Variants in HCFC1 observed in about 807,000 individuals in gnomAD.
HCFC1 encodes the protein host cell factor C1, also known as host cell factor 1.
Under a neutral mutation model 105.5 loss-of-function variants are expected in HCFC1, and 7 were observed. The ratio of observed to expected loss-of-function variants is 0.07; its 90% confidence interval spans 0.04 to 0.12. The LOEUF (loss-of-function observed/expected upper bound fraction) is 0.12, where lower values mean the gene tolerates loss of function less well. HCFC1 is among the 10% of genes least tolerant of loss of function. The probability of loss-of-function intolerance (pLI) is 1.00; values close to 1 mark genes in which losing one functional copy is unlikely to be tolerated. For synonymous variants in HCFC1, 918 were observed against 828.1 expected (o/e 1.11, Z -1.86); for missense variants, 1,065 against 1,823.6 (o/e 0.58, Z 7.58).
In HCFC1 at chrX:153,950,421, G is replaced by T. The variant is rs1557112133; in HGVS notation, c.5826C>A (p.Thr1942=). Residue 1942 remains threonine, a synonymous_variant, in exon 24 of 26, where the codon ACC becomes ACA. Coordinates refer to ENST00000310441, the MANE Select transcript of HCFC1 (RefSeq NM_005334.3). ...CCCGCATGAAGGCCAGCTGGGCCGG[G>T]GTGGAGCTCTTGAGCTCGCCCCCAG... is the stretch of plus-strand genomic sequence containing the variant. ...SQAGGELKSS[T]PAQLAFMRVY... is the part of the protein sequence containing the mutation. 8.3e-7 allele frequency: 1 copy of T among 1,209,941 alleles called. No individual in the cohort carries two copies. The highest frequency in any genetic ancestry group is 1.7e-5 in the African/African-American group (1 of 57,983).
At chrX:153,966,451 T>C (rs1357481564) in intron 1 of HCFC1, among the ~76,000 whole-genome samples, 1 of 112,563 alleles carries the variant, frequency 8.9e-6, no homozygotes, top group Non-Finnish European at 1.9e-5. Flanking sequence ...GCCGCCCGCA[T>C]GTGCAAGCTC....
At position 153,952,835 on chromosome X, in the gene HCFC1, G is replaced by T; in HGVS notation, c.4621C>A (p.Pro1541Thr). 8.4e-7 allele frequency: 1 copy of T among 1,192,365 alleles called. No individual in the cohort carries two copies. The highest frequency in any genetic ancestry group is 1.8e-5 in the South Asian group (1 of 55,152). The stretch of plus-strand genomic sequence containing the variant: ...AGATCCACGGCGGCCGGGAGCTCAG[G>T]GGTCTGGGAGGCTGACAGGACCTCG... ...SAEVLSASQTPELPAAVDLSS... is the reference protein window; with the variant it reads ...SAEVLSASQTTELPAAVDLSS... Residue 1541 changes from proline (P) to threonine (T), a missense_variant, in exon 19 of 26, where the codon CCT (proline) becomes ACT (threonine). Pro to Thr is a conservative substitution (Grantham distance 38). Coordinates refer to ENST00000310441, the MANE Select transcript of HCFC1 (RefSeq NM_005334.3).
rs1388599232 is a variant in HCFC1 at position 153,954,313 on chromosome X, G to A, written c.4086C>T (p.Thr1362=). ...PAGRPCETHQ[T]TSTGTTMSVS... The stretch of plus-strand genomic sequence containing the variant: ...CCGACATGGTGGTGCCAGTGGAAGT[G>A]GTCTGGTGTGTCTCACAGGGGCGAC... Residue 1362 remains threonine, a synonymous_variant, in exon 17 of 26, where the codon ACC becomes ACT. Coordinates refer to ENST00000310441, the MANE Select transcript of HCFC1 (RefSeq NM_005334.3). 1.7e-6 allele frequency: 2 copies of A among 1,197,858 alleles called. No individual in the cohort carries two copies. The highest frequency in any genetic ancestry group is 2.2e-5 in the Admixed American group (1 of 45,230).
chrX:153,957,744 C>A (rs2065391902), intron 12 of HCFC1, 38 bp downstream of exon 12: 3 of 1,047,509 alleles, frequency 2.9e-6, no homozygotes, highest in Non-Finnish European at 4.0e-6. Flanking sequence ...GGCACCCAGG[C>A]CCCCACTCTT....
In HCFC1 at chrX:153,947,989, C is replaced by G. The variant is rs2065271705; in HGVS notation, c.*1358G>C. 1 of 112,057 alleles carries G rather than the reference C, an allele frequency of 8.9e-6. No individual in the cohort carries two copies. The highest frequency in any genetic ancestry group is 3.2e-5 in the African/African-American group (1 of 30,781). The allele number at this position is 112,057 out of a possible 1,213,427, so 9.2% of individuals were successfully genotyped here. ...CTGGCCTGAGTTCCATGCTGCACAG[C>G]TGCTGCTGGTGGCCTGCTCCATTGC... On this transcript the variant is annotated 3_prime_UTR_variant, in exon 26 of 26. Transcript: ENST00000310441.
intron 1 of HCFC1, 38 bp from the exon 2 acceptor site, chrX:153,964,764 G>A: frequency 8.9e-7 from 1 of 1,120,803 alleles, no homozygotes; most frequent in Non-Finnish European, 1.2e-6. Flanking sequence ...GAACACCCGG[G>A]AGCCCCCATT....
In HCFC1 at chrX:153,960,022, A is replaced by T; in HGVS notation, c.1224T>A (p.Thr408=). 8.3e-7 allele frequency: 1 copy of T among 1,210,279 alleles called. No individual in the cohort carries two copies. The highest frequency in any genetic ancestry group is 1.1e-6 in the Non-Finnish European group (1 of 894,931). ...QKYDIPATAA[T]ATSPTPNPVP... is the part of the protein sequence containing the mutation. ...CCGGATTGGGTGTAGGGGAGGTGGC[A>T]GTAGCAGCCGTGGCAGGAATGTCAT... The change falls in exon 8 of 26, where the codon ACT becomes ACA. Residue 408 remains threonine, a synonymous_variant. Transcript: ENST00000310441.
intron 22 of HCFC1, 119 bp from the exon 23 acceptor site, chrX:153,951,117 G>A: frequency 1.3e-6 from 1 of 751,550 alleles, no homozygotes; most frequent in Non-Finnish European, 2.0e-6. Context: ...GCGGTGGCTG[G>A]CCCCTCACGG....
intron 12 of HCFC1, 76 bp from the exon 13 acceptor site, chrX:153,957,609 C>A: frequency 1.1e-6 from 1 of 919,999 alleles, no homozygotes. Flanking sequence ...TCTCCGCCGG[C>A]AGCCTTGGCG....
chrX:153,962,629 C>A (rs1459297965), intron 4 of HCFC1, among the ~76,000 whole-genome samples: 1 of 112,729 alleles, frequency 8.9e-6, no homozygotes, highest in Admixed American at 9.3e-5. Flanking sequence ...CCGCCATAAC[C>A]ACCTTAGGCT....
At position 153,971,260 on chromosome X, in the gene HCFC1, A is replaced by G; in HGVS notation, c.-420T>C. On this transcript the variant is annotated 5_prime_UTR_variant, in exon 1 of 26. Transcript: ENST00000310441. ...GCCCCGGCCCGGTTCCCACACCCCC[A>G]AGTCCCCAGCACTGGCCGGCTTCCG... The G allele has an allele frequency of 3.3e-6, 1 of 306,605 alleles. No homozygotes were observed. Among genetic ancestry groups the G allele is most frequent in the Non-Finnish European group, 5.7e-6 (1 of 176,552 alleles). The allele number at this position is 306,605 out of a possible 1,213,427, so 25.3% of individuals were successfully genotyped here. A position where few individuals can be genotyped will look rare whatever the true frequency, so the allele number is the denominator to read the frequency against.
intron 24 of HCFC1, 132 bp downstream of exon 24, chrX:153,950,111 G>T: frequency 4.4e-6 from 3 of 684,537 alleles, no homozygotes; most frequent in Non-Finnish European, 6.3e-6. Context: ...CCCGTGGGGG[G>T]CTGTGTGCGC....
intron 5 of HCFC1, 139 bp downstream of exon 5, chrX:153,962,083 A>G (rs2065434584): frequency 2.1e-6 from 1 of 474,133 alleles, no homozygotes; most frequent in Admixed American, 3.6e-5. Flanking sequence ...ATGGAAAAAC[A>G]GGGCTGCCAA....
chrX:153,968,582 T>C (rs1176984079), intron 1 of HCFC1, among the ~76,000 whole-genome samples: 2 of 112,297 alleles, frequency 1.8e-5, no homozygotes, highest in Non-Finnish European at 3.8e-5. Context: ...AAGCAGCCCT[T>C]TGGAAGGCAG....
rs373448714 is a variant in HCFC1 at position 153,955,507 on chromosome X, C to T, written c.2892G>A (p.Thr964=). The part of the protein sequence containing the change: ...VSQPTQVTLI[T]APSGVEAQPV... ...GCTGGGCCTCCACCCCACTAGGTGC[C>T]GTGATCAGAGTTACCTGGGTGGGCT... Residue 964 remains threonine (T), a synonymous_variant, in exon 17 of 26, where the codon ACG becomes ACA. Coordinates refer to ENST00000310441, the MANE Select transcript of HCFC1 (RefSeq NM_005334.3). 32 of 1,175,373 alleles carry T rather than the reference C, an allele frequency of 2.7e-5. No individual in the cohort carries two copies. Among genetic ancestry groups the T allele is most frequent in the Middle Eastern group, 4.8e-4 (2 of 4,194 alleles).
Position 153,952,858 on chromosome X carries a change from T to C in HCFC1, c.4598A>G (p.Glu1533Gly). 3 of 1,183,632 alleles carry C rather than the reference T, an allele frequency of 2.5e-6. No individual in the cohort carries two copies. The highest frequency in any genetic ancestry group is 3.4e-6 in the Non-Finnish European group (3 of 882,316). The change falls in exon 19 of 26, where the codon GAG (glutamate) becomes GGG (glycine). Residue 1533 changes from glutamate to glycine, a missense_variant. Glu to Gly is a moderately conservative substitution (Grantham distance 98). Around this residue, in one of 17 missense-constraint regions of HCFC1, gnomAD observed 546 missense variants for 599.9 expected, o/e 0.91. Coordinates refer to ENST00000310441, the MANE Select transcript of HCFC1 (RefSeq NM_005334.3). ...AGGGGTCTGGGAGGCTGACAGGACC[T>C]CGGCGGACTCCCCCATCAGGGCTGT... ...ASTALMGESA[E>G]VLSASQTPEL...
intron 18 of HCFC1, 90 bp from the exon 19 acceptor site, chrX:153,953,048 T>A: frequency 1.4e-6 from 1 of 716,727 alleles, no homozygotes; most frequent in Non-Finnish European, 2.2e-6. Flanking sequence ...GGGACTTCAG[T>A]AGTCAGAGCC....
intron 10 of HCFC1, 134 bp downstream of exon 10, chrX:153,958,435 C>T: frequency 1.4e-6 from 1 of 700,797 alleles, no homozygotes; most frequent in South Asian, 2.6e-5. Context: ...GAGCCTGCAG[C>T]TCTCACCTGA....
In HCFC1 at chrX:153,971,336, C is replaced by G. The variant is rs997182846; in HGVS notation, c.-496G>C. The G allele has an allele frequency of 6.7e-6, 2 of 297,058 alleles. No homozygotes were observed. The highest frequency in any genetic ancestry group is 5.4e-5 in the African/African-American group (2 of 36,804). The allele number at this position is 297,058 out of a possible 1,213,427, so 24.5% of individuals were successfully genotyped here. A position where few individuals can be genotyped will look rare whatever the true frequency, so the allele number is the denominator to read the frequency against. ...GCCGCGGTCGTCGCAGCCCCGCCGG[C>G]GCTCAGACCACAATTGTGGGAGCCG... is the stretch of plus-strand genomic sequence containing the variant. On this transcript the variant is annotated 5_prime_UTR_variant, in exon 1 of 26. Transcript: ENST00000310441.
Sources: allele counts gnomAD v4.1 joint callset (sites outside exome capture counted in the v4.1 genomes callset), GRCh38; gene constraint gnomAD v4.1.1; regional missense constraint gnomAD v4.1.1; transcripts MANE v1.5; gene names NCBI Gene and HGNC (gene_info 2026-07-23, HGNC 2026-07-21).